The following EXT1 variants were observed in gnomAD, a reference collection of about 807,000 sequenced individuals.
EXT1 encodes exostosin-1.
In EXT1, 20 loss-of-function variants were observed where a neutral mutation model predicts 82.5. The observed-to-expected ratio is 0.24, with a 90% CI of 0.17 to 0.35. EXT1 has a LOEUF of 0.35. Among genes scored for constraint, EXT1 ranks in the 10% least tolerant of loss-of-function variants. The probability of loss-of-function intolerance (pLI) is 1.00; values close to 1 mark genes in which losing one functional copy is unlikely to be tolerated. For missense variants in EXT1, 757 were observed against 936.5 expected, an observed-to-expected ratio of 0.81 and a Z score of 2.50; for synonymous variants, 348 against 350.8, an observed-to-expected ratio of 0.99 and a Z score of 0.09.
chr8:117,884,971 T>G (rs1467775783), intron 1 of EXT1, among the ~76,000 whole-genome samples: 3 of 152,180 alleles, frequency 2.0e-5, no homozygotes, highest in African/African-American at 7.2e-5. Context: ...TAAAAGTGGT[T>G]TTCTAGTTAA....
chr8:117,991,310 A>G (rs899399955), intron 1 of EXT1, among the ~76,000 whole-genome samples: 2 of 152,072 alleles, frequency 1.3e-5, no homozygotes, highest in Non-Finnish European at 2.9e-5. Flanking sequence ...TATAAAGTGC[A>G]TGATGTCTGC....
At chr8:117,891,800 T>C (rs919975473) in intron 1 of EXT1, among the ~76,000 whole-genome samples, 2 of 141,834 alleles carry the variant, frequency 1.4e-5, no homozygotes, top group Non-Finnish European at 3.0e-5. Flanking sequence ...TTTTCTTTTT[T>C]CTTGCTTTTT....
At chr8:118,019,603 G>C (rs1036883433) in intron 1 of EXT1, among the ~76,000 whole-genome samples, 1 of 152,200 alleles carries the variant, frequency 6.6e-6, no homozygotes, top group African/African-American at 2.4e-5. Context: ...GAACCTTGAA[G>C]TCATCTCTAA....
chr8:117,908,290 A>G (rs1482406093), intron 1 of EXT1, among the ~76,000 whole-genome samples: 1 of 152,230 alleles, frequency 6.6e-6, no homozygotes, highest in African/African-American at 2.4e-5. Context: ...TCTCTTACAA[A>G]TCAGTCTCTT....
chr8:118,084,142 T>C (rs895453819), intron 1 of EXT1, among the ~76,000 whole-genome samples: 3 of 152,200 alleles, frequency 2.0e-5, no homozygotes, highest in Non-Finnish European at 4.4e-5. Context: ...CACCAAGCTC[T>C]CTCAGTCAAA....
intron 1 of EXT1, among the ~76,000 whole-genome samples, chr8:117,890,655 A>G (rs1208117907): frequency 1.3e-5 from 2 of 152,212 alleles, no homozygotes; most frequent in Non-Finnish European, 2.9e-5. Flanking sequence ...GAAGCAAAGA[A>G]TAAACTGGGT....
intron 1 of EXT1, among the ~76,000 whole-genome samples, chr8:117,966,300 T>C (rs1814808773): frequency 6.6e-6 from 1 of 152,164 alleles, no homozygotes; most frequent in South Asian, 2.1e-4. Context: ...AGTTTAGAAC[T>C]TTTCCCCCTT....
chr8:117,827,812 A>G (rs1043828577), intron 4 of EXT1, among the ~76,000 whole-genome samples: 4 of 150,490 alleles, frequency 2.7e-5, no homozygotes, highest in Non-Finnish European at 5.9e-5. Flanking sequence ...AAAAAAAAAA[A>G]AAATCTTAAC....
chr8:117,818,632 G>A lies in EXT1; in HGVS notation c.1537-102C>T, dbSNP rs1811868222. 6.2e-6 allele frequency: 6 copies of A among 969,648 alleles called. No individual in the cohort carries two copies. The East Asian group carries it at 1.2e-4, about 19-fold the overall frequency. 60.1% of individuals were successfully genotyped at this position (969,648 alleles called of 1,614,324 possible). A position where few individuals can be genotyped will look rare whatever the true frequency, so the allele number is the denominator to read the frequency against. ...GAGACAGAAAGAGAAAGAGGAGCTG[G>A]AAATCTCAGCAAGACAAAACGGCAG... On this transcript the variant is annotated intron_variant, in intron 6 of 10. Transcript: ENST00000378204.
chr8:117,943,189 T>C (rs936123785), intron 1 of EXT1, among the ~76,000 whole-genome samples: 1 of 152,218 alleles, frequency 6.6e-6, no homozygotes, highest in Non-Finnish European at 1.5e-5. Context: ...TTTTAAAAAA[T>C]GGTTTTAAGT....
rs59973422 is a variant in EXT1, at chr8:117,870,823, T to TCACACACACACACA, written c.963-33636_963-33623dup. Among the ~76,000 whole-genome samples the TCACACACACACACA allele has an allele frequency of 9.9e-3, 1,457 of 146,852 alleles. 40 individuals carry two copies. The highest frequency in any genetic ancestry group is 0.034 in the African/African-American group (1,333 of 38,804). On this transcript the variant is annotated intron_variant, in intron 1 of 10. Coordinates refer to ENST00000378204, the MANE Select transcript of EXT1 (RefSeq NM_000127.3). ...CAGTGGGTATACCATAAATGCTTTG[T>TCACACACACACACA]CACACACACACACACACACACACAC...
chr8:117,984,793 A>G (rs1347952197), intron 1 of EXT1, among the ~76,000 whole-genome samples: 3 of 152,210 alleles, frequency 2.0e-5, no homozygotes, highest in Admixed American at 2.0e-4. Flanking sequence ...AGGATTTGAA[A>G]GAGTCTCTGA....
At chr8:117,963,467 T>G (rs933539839) in intron 1 of EXT1, among the ~76,000 whole-genome samples, 2 of 152,070 alleles carry the variant, frequency 1.3e-5, no homozygotes, top group African/African-American at 4.8e-5. Flanking sequence ...CGAGTTTTGT[T>G]GTGGTGGTGG....
chr8:117,852,375 T>C (rs1473612959), intron 1 of EXT1, among the ~76,000 whole-genome samples: 1 of 152,232 alleles, frequency 6.6e-6, no homozygotes, highest in Non-Finnish European at 1.5e-5. Context: ...AGAGCTTTTA[T>C]GTGGCTCTGA....
At chr8:118,020,656 C>A (rs1211895303) in intron 1 of EXT1, among the ~76,000 whole-genome samples, 3 of 152,182 alleles carry the variant, frequency 2.0e-5, no homozygotes, top group African/African-American at 7.2e-5. Flanking sequence ...TATTTCAGGA[C>A]TGTGCCTGAT....
chr8:118,073,096 T>A (rs1817126324), intron 1 of EXT1, among the ~76,000 whole-genome samples: 1 of 152,168 alleles, frequency 6.6e-6, no homozygotes, highest in South Asian at 2.1e-4. Flanking sequence ...AATTTCAGTA[T>A]CGAAATATGT....
intron 1 of EXT1, among the ~76,000 whole-genome samples, chr8:117,870,513 T>C (rs1812850106): frequency 6.7e-6 from 1 of 149,776 alleles, no homozygotes; most frequent in South Asian, 2.1e-4. Flanking sequence ...ATGTTGATCT[T>C]GGGTGCACCA....
Position 117,984,462 on chromosome 8 carries a change from C to A in EXT1, c.962+125623G>T, listed in dbSNP as rs865839729. 1.7e-4 allele frequency among the ~76,000 whole-genome samples: 24 copies of A among 138,236 alleles called. No homozygotes were observed. In the South Asian group the frequency reaches 3.3e-3, roughly 19 times the overall value. 90.7% of individuals were successfully genotyped at this position (138,236 alleles called of 152,430 possible). On this transcript the variant is annotated intron_variant, in intron 1 of 10. Transcript: ENST00000378204. ...AACAAAACAAAACAAAAAAAAAAAA[C>A]AAAGAAAAGAAAAGAAAAGAGATGT... is the stretch of plus-strand genomic sequence containing the variant.
intron 1 of EXT1, among the ~76,000 whole-genome samples, chr8:117,935,421 C>T (rs1334325254): frequency 1.3e-5 from 2 of 151,226 alleles, no homozygotes; most frequent in Non-Finnish European, 2.9e-5. Flanking sequence ...CCCAGGTTCA[C>T]GGGATCCTCC....
Sources: allele counts gnomAD v4.1 joint callset (sites outside exome capture counted in the v4.1 genomes callset), GRCh38; gene constraint gnomAD v4.1.1; transcripts MANE v1.5; gene names NCBI Gene and HGNC (gene_info 2026-07-23, HGNC 2026-07-21).